The following SYT14 variants were observed in gnomAD, a reference collection of about 807,000 sequenced individuals.
SYT14 encodes the protein synaptotagmin 14.
Under a neutral mutation model 74.2 loss-of-function variants are expected in SYT14, and 32 were observed. The ratio of observed to expected loss-of-function variants is 0.43; its 90% CI spans 0.33 to 0.58. The LOEUF is 0.58. Ranked by LOEUF, SYT14 falls within the 20% of genes least tolerant of loss-of-function variation. The pLI is 0.05. For synonymous variants in SYT14, 298 were observed against 337.7 expected, an observed-to-expected ratio of 0.88 and a Z score of 1.29; for missense variants, 791 against 981.8, an observed-to-expected ratio of 0.81 and a Z score of 2.60.
At position 210,013,766 on chromosome 1, in the gene SYT14, CAGTACA is replaced by C. The variant is rs775846620; in HGVS notation, c.-349_-344del. 388 of 1,612,690 alleles carry C rather than the reference CAGTACA, an allele frequency of 2.4e-4. No homozygotes were observed. Among genetic ancestry groups the C allele is most frequent in the Non-Finnish European group, 3.2e-4 (380 of 1,179,776 alleles). The stretch of plus-strand genomic sequence containing the variant: ...GGTTTCCAGATCTTGGTTCAGAATA[CAGTACA>C]AGGAAGAATTCACAAGATAAAATTT... On this transcript the variant is annotated 5_prime_UTR_variant, in exon 3 of 10. Transcript: ENST00000637265.
intron 2 of SYT14, among the ~76,000 whole-genome samples, chr1:209,989,795 C>T (rs547626986): frequency 6.6e-6 from 1 of 152,042 alleles, no homozygotes; most frequent in African/African-American, 2.4e-5. Flanking sequence ...GTAAATACTT[C>T]AGTGCTTTGC....
exon 10 of SYT14, chr1:210,167,201 A>C (rs867167869): frequency 6.6e-6 from 1 of 152,220 alleles, no homozygotes; most frequent in Non-Finnish European, 1.5e-5. Context: ...GTGTAGTAGC[A>C]GCCATAGGTG....
At chr1:210,009,127 G>A (rs1463783730) in intron 2 of SYT14, among the ~76,000 whole-genome samples, 1 of 152,200 alleles carries the variant, frequency 6.6e-6, no homozygotes, top group Non-Finnish European at 1.5e-5. Flanking sequence ...CAGGCCATGA[G>A]TTGGACAAGC....
chr1:209,968,530 C>T (rs75479694), intron 2 of SYT14, among the ~76,000 whole-genome samples: 299 of 152,036 alleles, frequency 2.0e-3, no homozygotes, highest in African/African-American at 6.7e-3. Context: ...GAGTATGCTC[C>T]GCATATTCAT....
At chr1:210,005,448 G>C (rs1408186182) in intron 2 of SYT14, among the ~76,000 whole-genome samples, 1 of 151,906 alleles carries the variant, frequency 6.6e-6, no homozygotes, top group Admixed American at 6.6e-5. Context: ...CTTACTCATA[G>C]TAGCTCAGCA....
intron 2 of SYT14, among the ~76,000 whole-genome samples, chr1:209,961,479 T>G (rs1344980476): frequency 6.6e-6 from 1 of 152,176 alleles, no homozygotes; most frequent in Non-Finnish European, 1.5e-5. Context: ...TTTCCCAATT[T>G]GCTTCATCCA....
In SYT14 at chr1:210,122,111, G is replaced by T. The variant is rs1343880129; in HGVS notation, c.2034+21650G>T. Reference sequence around the variant, plus strand: ...TCCTGCCTCAGCCTCCCAAGTAGCTGGGACTACAGGCGCCCGCCACTACGC... The same window carrying T: ...TCCTGCCTCAGCCTCCCAAGTAGCTTGGACTACAGGCGCCCGCCACTACGC... On this transcript the variant is annotated intron_variant, in intron 7 of 9. Coordinates refer to ENST00000637265, the Ensembl canonical transcript of SYT14. 3.2e-5 allele frequency among the ~76,000 whole-genome samples: 2 copies of T among 62,726 alleles called. 1 individual carries two copies. Among genetic ancestry groups the T allele is most frequent in the Non-Finnish European group, 5.5e-5 (2 of 36,676 alleles). 41.2% of individuals were successfully genotyped at this position (62,726 alleles called of 152,430 possible). A position where few individuals can be genotyped will look rare whatever the true frequency, so the allele number is the denominator to read the frequency against.
exon 10 of SYT14, chr1:210,166,355 C>T (rs1244412117): frequency 2.6e-5 from 4 of 152,242 alleles, no homozygotes; most frequent in Admixed American, 6.5e-5. Context: ...TACTTGAGCT[C>T]AGGAGTTTAA....
intron 1 of SYT14, among the ~76,000 whole-genome samples, chr1:209,951,753 A>C (rs1312512656): frequency 6.6e-6 from 1 of 152,220 alleles, no homozygotes; most frequent in Non-Finnish European, 1.5e-5. Flanking sequence ...GTATGCATGA[A>C]TATATGTGTA....
chr1:210,142,453 T>C (rs182099877), intron 7 of SYT14, among the ~76,000 whole-genome samples: 2 of 152,208 alleles, frequency 1.3e-5, no homozygotes, highest in Admixed American at 1.3e-4. Flanking sequence ...CTTTCAGAGG[T>C]CCTTACTTCA....
intron 2 of SYT14, among the ~76,000 whole-genome samples, chr1:209,996,934 C>T (rs1487064425): frequency 1.3e-5 from 2 of 151,982 alleles, no homozygotes; most frequent in Non-Finnish European, 2.9e-5. Context: ...GACAAAAACC[C>T]TCACCAAACT....
chr1:210,044,694 C>T (rs2080853609), intron 5 of SYT14, among the ~76,000 whole-genome samples: 2 of 152,138 alleles, frequency 1.3e-5, no homozygotes, highest in South Asian at 4.1e-4. Context: ...GTATTAGGCT[C>T]TTCTCATATT....
chr1:210,152,510 T>A lies in SYT14; in HGVS notation c.2035-3211T>A, dbSNP rs148471775. ...TTTATTTTTATCGTTGTATATTCAT[T>A]TGTGTATACTGTGTCTTTTCATCAT... On this transcript the variant is annotated intron_variant, in intron 7 of 9. Transcript: ENST00000637265. 7.6e-3 allele frequency among the ~76,000 whole-genome samples: 1,159 copies of A among 152,344 alleles called. 10 individuals carry two copies. The highest frequency in any genetic ancestry group is 0.012 in the Non-Finnish European group (798 of 68,022).
chr1:210,107,710 T>G (rs1378916567), intron 7 of SYT14, among the ~76,000 whole-genome samples: 4 of 152,222 alleles, frequency 2.6e-5, no homozygotes, highest in Non-Finnish European at 5.9e-5. Flanking sequence ...TTTTTTCTAT[T>G]AAATTTATGT....
At chr1:209,945,550 G>A (rs2078809465) in intron 1 of SYT14, among the ~76,000 whole-genome samples, 1 of 152,202 alleles carries the variant, frequency 6.6e-6, no homozygotes, top group African/African-American at 2.4e-5. Flanking sequence ...GTTTATAAAT[G>A]TAAGCTAGGT....
At chr1:210,015,859 G>A (rs918689845) in exon 4 of SYT14, 32 of 1,214,798 alleles carry the variant, frequency 2.6e-5, no homozygotes, top group Middle Eastern at 3.2e-4. Context: ...TTTACAGAAA[G>A]ATTAAAAGCT....
intron 1 of SYT14, among the ~76,000 whole-genome samples, chr1:209,949,277 G>A (rs1357725885): frequency 6.6e-6 from 1 of 152,106 alleles, no homozygotes; most frequent in African/African-American, 2.4e-5. Context: ...AAGGATTGGG[G>A]ATAAAAGGAA....
rs138213905 is a variant in SYT14 at position 210,011,333 on chromosome 1, T to A, written c.-485-2300T>A. Among the ~76,000 whole-genome samples the A allele has an allele frequency of 3.6e-3, 551 of 152,334 alleles. 3 individuals carry two copies. Among genetic ancestry groups the A allele is most frequent in the Middle Eastern group, 0.034 (10 of 294 alleles). ...ATACCACTGTTTTATGTCATATACC[T>A]TAGCTTCTTTTATTAAAATCATTTT... is the stretch of plus-strand genomic sequence containing the variant. On this transcript the variant is annotated intron_variant, in intron 2 of 9. Transcript: ENST00000637265.
At chr1:209,947,252 T>C (rs1404272841) in intron 1 of SYT14, among the ~76,000 whole-genome samples, 2 of 152,192 alleles carry the variant, frequency 1.3e-5, no homozygotes, top group African/African-American at 4.8e-5. Context: ...TTAGGAAATA[T>C]ATTGTGTAAG....
Sources: gnomAD v4.1 joint callset for allele counts (sites outside exome capture counted in the v4.1 genomes callset) on GRCh38, gnomAD v4.1.1 for gene constraint, MANE v1.5 for transcripts, NCBI Gene and HGNC (gene_info 2026-07-23, HGNC 2026-07-21) for gene names.